Variants in TRABD2B observed in about 807,000 individuals in gnomAD.
TRABD2B encodes the protein metalloprotease TIKI2.
A neutral mutation model predicts 40.1 loss-of-function variants in TRABD2B; 14 were observed. The observed-to-expected ratio is 0.35, with a 90% CI of 0.23 to 0.55. TRABD2B has a LOEUF of 0.55. Ranked by LOEUF, TRABD2B falls within the 20% of genes least tolerant of loss-of-function variation. The pLI is 0.90. For missense variants in TRABD2B, 541 were observed against 648.6 expected (o/e 0.83, Z 1.80); for synonymous variants, 263 against 277.0 (o/e 0.95, Z 0.50).
rs991870217 is a variant in TRABD2B, at chr1:47,994,630, G to A, written c.103-33C>T. 12 of 1,514,378 alleles carry A rather than the reference G, an allele frequency of 7.9e-6. No individual in the cohort carries two copies. The highest frequency in any genetic ancestry group is 8.8e-6 in the Non-Finnish European group (10 of 1,134,976). 93.8% of individuals were successfully genotyped at this position (1,514,378 alleles called of 1,614,324 possible). A position where few individuals can be genotyped will look rare whatever the true frequency, so the allele number is the denominator to read the frequency against. ...AGTAGAGAAGAGGCAAGGCAGTGAGGCCGAAGGCAACAGAGTAGAGTCAGG... is the reference window on the plus strand; with the variant it reads ...AGTAGAGAAGAGGCAAGGCAGTGAGACCGAAGGCAACAGAGTAGAGTCAGG... On this transcript the variant is annotated intron_variant, in intron 1 of 6. Transcript: ENST00000606738. The surrounding 1 kb of genome is among the most constrained non-coding windows in gnomAD (Gnocchi z 6.7).
At chr1:47,995,113 A>G (rs550969023) in intron 1 of TRABD2B, among the ~76,000 whole-genome samples, 3 of 152,344 alleles carry the variant, frequency 2.0e-5, no homozygotes, top group African/African-American at 7.2e-5. Context: ...AGGAAGTCAT[A>G]TAACTTTTAA....
intron 4 of TRABD2B, among the ~76,000 whole-genome samples, chr1:47,784,790 G>T (rs556144066): frequency 6.6e-6 from 1 of 152,196 alleles, no homozygotes; most frequent in Non-Finnish European, 1.5e-5. Flanking sequence ...TTTGCAGGCC[G>T]CCCAGGGAAG....
At chr1:47,947,153 C>T (rs959106223) in intron 2 of TRABD2B, among the ~76,000 whole-genome samples, 7 of 152,194 alleles carry the variant, frequency 4.6e-5, no homozygotes, top group African/African-American at 1.7e-4. Flanking sequence ...AAAGCAAGAG[C>T]TGTGGTTTGA....
chr1:47,807,713 A>G (rs1644911349), intron 2 of TRABD2B, among the ~76,000 whole-genome samples: 2 of 152,138 alleles, frequency 1.3e-5, no homozygotes, highest in Non-Finnish European at 2.9e-5. Flanking sequence ...CATAAGATAT[A>G]TTGACTTATA....
intron 2 of TRABD2B, among the ~76,000 whole-genome samples, chr1:47,849,098 A>G (rs1208555382): frequency 3.3e-5 from 5 of 152,218 alleles, no homozygotes; most frequent in African/African-American, 4.8e-5. Context: ...TAAGTGGCTG[A>G]TAAGGCTGAA....
intron 2 of TRABD2B, among the ~76,000 whole-genome samples, chr1:47,807,934 C>T (rs1330030258): frequency 6.6e-6 from 1 of 152,050 alleles, no homozygotes; most frequent in Admixed American, 6.6e-5. Context: ...TGTATGGGAG[C>T]CCAACTGAGA....
At chr1:47,853,973 TAC>T (rs1643865698) in intron 2 of TRABD2B, among the ~76,000 whole-genome samples, 1 of 152,224 alleles carries the variant, frequency 6.6e-6, no homozygotes, top group South Asian at 2.1e-4. Flanking sequence ...TTAGATGGCT[TAC>T]AGAGAGACTA....
chr1:47,774,808 G>A (rs1005119449), intron 6 of TRABD2B, among the ~76,000 whole-genome samples: 1 of 152,138 alleles, frequency 6.6e-6, no homozygotes, highest in South Asian at 2.1e-4. Context: ...ATGCCTTTTG[G>A]CTTAGCCAGC....
chr1:47,941,288 C>T (rs777284997), intron 2 of TRABD2B, among the ~76,000 whole-genome samples: 5 of 152,216 alleles, frequency 3.3e-5, no homozygotes, highest in African/African-American at 9.7e-5. Flanking sequence ...TACCCTCCCC[C>T]GCCACCAGAC....
At chr1:47,766,631 C>G (rs1438217937) in intron 6 of TRABD2B, among the ~76,000 whole-genome samples, 3 of 152,214 alleles carry the variant, frequency 2.0e-5, no homozygotes, top group Non-Finnish European at 4.4e-5. Context: ...ATCCTCATAA[C>G]AAGCCTTCAA....
At chr1:47,804,968 A>C (rs1239222824) in intron 2 of TRABD2B, among the ~76,000 whole-genome samples, 1 of 152,176 alleles carries the variant, frequency 6.6e-6, no homozygotes, top group Admixed American at 6.5e-5. Flanking sequence ...TGCAGCAGGG[A>C]CTTCTGCACC....
At chr1:47,876,362 G>A (rs1054392437) in intron 2 of TRABD2B, among the ~76,000 whole-genome samples, 3 of 152,202 alleles carry the variant, frequency 2.0e-5, no homozygotes, top group Admixed American at 1.3e-4. Context: ...ATCCAGTGAA[G>A]GGACTTCCCA....
intron 2 of TRABD2B, among the ~76,000 whole-genome samples, chr1:47,959,757 AT>A (rs1276071779): frequency 3.3e-5 from 5 of 152,182 alleles, no homozygotes. Context: ...GACCAGATAG[AT>A]TCACAGCCCA....
At chr1:47,814,530 C>T (rs1257332949) in intron 2 of TRABD2B, among the ~76,000 whole-genome samples, 1 of 152,194 alleles carries the variant, frequency 6.6e-6, no homozygotes, top group African/African-American at 2.4e-5. Context: ...TCTTTCCTGG[C>T]TTGCATGTTT....
intron 2 of TRABD2B, among the ~76,000 whole-genome samples, chr1:47,950,171 G>A (rs1358248093): frequency 1.3e-5 from 2 of 152,068 alleles, no homozygotes; most frequent in Non-Finnish European, 2.9e-5. Context: ...TGTAGTCCCA[G>A]CTACTCGGGA....
chr1:47,889,717 C>T (rs1644419722), intron 2 of TRABD2B, among the ~76,000 whole-genome samples: 2 of 152,196 alleles, frequency 1.3e-5, no homozygotes, highest in Non-Finnish European at 2.9e-5. Context: ...TGGGGCATTT[C>T]TACTCAACCT....
chr1:47,887,147 C>G (rs961922759), intron 2 of TRABD2B, among the ~76,000 whole-genome samples: 2 of 152,140 alleles, frequency 1.3e-5, no homozygotes, highest in African/African-American at 4.8e-5. Flanking sequence ...CATTTCTGAG[C>G]AGGCCAAACA....
intron 2 of TRABD2B, among the ~76,000 whole-genome samples, chr1:47,848,649 G>T (rs944332978): frequency 1.3e-5 from 2 of 152,176 alleles, no homozygotes; most frequent in African/African-American, 2.4e-5. Context: ...AGGAAACTGA[G>T]GGCTGCAAAT....
At position 47,762,495 on chromosome 1, in the gene TRABD2B, C is replaced by T. The variant is rs1278638591; in HGVS notation, c.*3407G>A. 6.6e-6 allele frequency: 1 copy of T among 152,154 alleles called. No homozygotes were observed. Among genetic ancestry groups the T allele is most frequent in the Non-Finnish European group, 1.5e-5 (1 of 68,036 alleles). 9.4% of individuals were successfully genotyped at this position (152,154 alleles called of 1,614,324 possible). Reference sequence around the variant, plus strand: ...CTTTGGGATCCACTGTGACAATGGCCCTGGGCTGGAGATTAGGCAAGTGGG... The same window carrying T: ...CTTTGGGATCCACTGTGACAATGGCTCTGGGCTGGAGATTAGGCAAGTGGG... On this transcript the variant is annotated 3_prime_UTR_variant, in exon 7 of 7. Coordinates refer to ENST00000606738, the MANE Select transcript of TRABD2B (RefSeq NM_001194986.2).
Sources: gnomAD v4.1 joint callset for allele counts (sites outside exome capture counted in the v4.1 genomes callset) on GRCh38, gnomAD v4.1.1 for gene constraint, Gnocchi (gnomAD v3.1) non-coding constraint, MANE v1.5 for transcripts, NCBI Gene and HGNC (gene_info 2026-07-23, HGNC 2026-07-21) for gene names.